The following RSBN1L variants were observed in gnomAD, a reference collection of about 807,000 sequenced individuals.
The protein encoded by RSBN1L is round spermatid basic protein 1 like.
RSBN1L carries 30 observed loss-of-function variants against 67.7 expected under a neutral mutation model. That is an observed-to-expected ratio of 0.44 (90% CI 0.33 to 0.60). RSBN1L has a LOEUF of 0.60. Ranked by LOEUF, RSBN1L falls within the 20% of genes least tolerant of loss-of-function variation. The pLI is 0.02. For synonymous variants in RSBN1L, 433 were observed against 387.0 expected (o/e 1.12, Z -1.39); for missense variants, 992 against 1,031.7 (o/e 0.96, Z 0.53).
At chr7:77,755,480 A>T (rs1386117929) in intron 3 of RSBN1L, among the ~76,000 whole-genome samples, 1 of 152,120 alleles carries the variant, frequency 6.6e-6, no homozygotes, top group Admixed American at 6.5e-5. Context: ...AGCCTGGCTA[A>T]CATGGTGAAA....
At chr7:77,724,463 T>C (rs758995787) in intron 1 of RSBN1L, among the ~76,000 whole-genome samples, 1 of 151,202 alleles carries the variant, frequency 6.6e-6, no homozygotes, top group Non-Finnish European at 1.5e-5. Context: ...TCTCACTCTG[T>C]TGTCCAGGTG....
chr7:77,700,278 A>G (rs920397899), intron 1 of RSBN1L, among the ~76,000 whole-genome samples: 3 of 152,216 alleles, frequency 2.0e-5, no homozygotes, highest in Non-Finnish European at 2.9e-5. Flanking sequence ...GCAAACCACA[A>G]CAAATATTTC....
intron 3 of RSBN1L, among the ~76,000 whole-genome samples, chr7:77,750,321 T>G (rs1791540880): frequency 9.3e-6 from 1 of 107,556 alleles, no homozygotes; most frequent in Admixed American, 1.0e-4. Context: ...TTTTTTTTTT[T>G]GCAAGGAGTG....
intron 4 of RSBN1L, 61 bp from the exon 5 acceptor site, chr7:77,768,600 A>G: frequency 1.4e-6 from 2 of 1,422,448 alleles, no homozygotes; most frequent in South Asian, 1.2e-5. Context: ...TATTATTATT[A>G]ACATACACTT....
At chr7:77,754,524 A>G (rs1791592725) in intron 3 of RSBN1L, among the ~76,000 whole-genome samples, 1 of 152,186 alleles carries the variant, frequency 6.6e-6, no homozygotes, top group Non-Finnish European at 1.5e-5. Flanking sequence ...TCAAGACCTC[A>G]TGTTGTTAAT....
At chr7:77,758,462 T>A (rs1791650489) in intron 3 of RSBN1L, among the ~76,000 whole-genome samples, 1 of 152,242 alleles carries the variant, frequency 6.6e-6, no homozygotes, top group African/African-American at 2.4e-5. Flanking sequence ...GGTGTCCATC[T>A]CCACAAGCAT....
intron 2 of RSBN1L, among the ~76,000 whole-genome samples, chr7:77,748,088 G>A (rs1791508044): frequency 6.6e-6 from 1 of 152,044 alleles, no homozygotes; most frequent in Non-Finnish European, 1.5e-5. Flanking sequence ...GGTACTTGAG[G>A]GCACTGTCTT....
rs767151641 is a variant in RSBN1L at position 77,696,585 on chromosome 7, C to G, written c.116C>G (p.Ser39Cys). The G allele has an allele frequency of 4.1e-5, 66 of 1,613,992 alleles. No homozygotes were observed. Among genetic ancestry groups the G allele is most frequent in the African/African-American group, 5.3e-5 (4 of 74,942 alleles). Reference sequence around the variant, plus strand: ...CTCTCCTCCCGGGACCCTCCGGGTTCTCTGTCCGCCAAGAAGGTCCGGACT... The same window carrying G: ...CTCTCCTCCCGGGACCCTCCGGGTTGTCTGTCCGCCAAGAAGGTCCGGACT... Reference protein sequence around the residue: ...LQLSSRDPPGSLSAKKVRTEE... With the variant: ...LQLSSRDPPGCLSAKKVRTEE... The change falls in exon 1 of 8, where the codon TCT (serine) becomes TGT (cysteine). Residue 39 changes from serine (S) to cysteine (C), a missense_variant. Transcript: ENST00000334955.
chr7:77,731,197 T>G (rs1791267074), intron 1 of RSBN1L, among the ~76,000 whole-genome samples: 1 of 152,074 alleles, frequency 6.6e-6, no homozygotes, highest in African/African-American at 2.4e-5. Flanking sequence ...TCTCTTAAGG[T>G]CTTTAGTGTT....
intron 6 of RSBN1L, among the ~76,000 whole-genome samples, chr7:77,777,856 T>C (rs1294798598): frequency 1.3e-5 from 2 of 152,152 alleles, no homozygotes; most frequent in Non-Finnish European, 2.9e-5. Context: ...ATTGTATTAG[T>C]ACTTTTCCAA....
At chr7:77,741,144 G>T (rs917065409) in intron 2 of RSBN1L, among the ~76,000 whole-genome samples, 1 of 151,328 alleles carries the variant, frequency 6.6e-6, no homozygotes, top group Non-Finnish European at 1.5e-5. Context: ...GCGCCACCAC[G>T]CCTGGCTAAT....
chr7:77,718,579 C>T (rs537372714), intron 1 of RSBN1L, among the ~76,000 whole-genome samples: 16 of 152,250 alleles, frequency 1.1e-4, no homozygotes, highest in African/African-American at 3.6e-4. Context: ...TGTGAGCCAC[C>T]GCACCTGGCC....
chr7:77,771,235 A>G (rs1019068126), intron 5 of RSBN1L, among the ~76,000 whole-genome samples: 1 of 151,794 alleles, frequency 6.6e-6, no homozygotes, highest in Non-Finnish European at 1.5e-5. Flanking sequence ...GCCCGTCCTG[A>G]TTATAGCTTT....
Position 77,726,361 on chromosome 7 carries a change from T to C in RSBN1L, c.587-10049T>C, listed in dbSNP as rs149628671. Among the ~76,000 whole-genome samples the C allele has an allele frequency of 5.6e-3, 852 of 152,268 alleles. 8 individuals carry two copies. Among genetic ancestry groups the C allele is most frequent in the African/African-American group, 0.019 (807 of 41,540 alleles). ...TTTTGGCTGAGACAGTATCTCAGAC[T>C]TCCATCGCTTTTAATGACCTTGATT... On this transcript the variant is annotated intron_variant, in intron 1 of 7. Transcript: ENST00000334955.
chr7:77,707,560 T>C (rs1022340610), intron 1 of RSBN1L, among the ~76,000 whole-genome samples: 5 of 152,208 alleles, frequency 3.3e-5, no homozygotes. Context: ...TTTCACTGGT[T>C]TGTCATTGGA....
chr7:77,770,314 G>T (rs945711413), intron 5 of RSBN1L, among the ~76,000 whole-genome samples: 1 of 152,086 alleles, frequency 6.6e-6, no homozygotes, highest in Admixed American at 6.6e-5. Flanking sequence ...GATAGAGGTT[G>T]CAGTGAACCC....
At chr7:77,737,671 G>A (rs181535625) in intron 2 of RSBN1L, among the ~76,000 whole-genome samples, 65 of 152,200 alleles carry the variant, frequency 4.3e-4, no homozygotes, top group Admixed American at 3.3e-3. Context: ...AGCCTTTGAG[G>A]CAGGAATTGA....
chr7:77,723,570 G>A (rs1791151477), intron 1 of RSBN1L, among the ~76,000 whole-genome samples: 1 of 152,014 alleles, frequency 6.6e-6, no homozygotes, highest in African/African-American at 2.4e-5. Flanking sequence ...CTGGGTTTAA[G>A]CGATCCTCCC....
chr7:77,768,857 G>T (rs1174336610), intron 5 of RSBN1L, 54 bp downstream of exon 5: 3 of 1,493,720 alleles, frequency 2.0e-6, no homozygotes, highest in Non-Finnish European at 1.8e-6. Flanking sequence ...ATGTTGGGGT[G>T]TGTATGTTAG....
Sources: allele counts gnomAD v4.1 joint callset (sites outside exome capture counted in the v4.1 genomes callset), GRCh38; gene constraint gnomAD v4.1.1; transcripts MANE v1.5; gene names NCBI Gene and HGNC (gene_info 2026-07-23, HGNC 2026-07-21).